MYO7B: variants seen among roughly 807,000 people sequenced by gnomAD.
MYO7B encodes the protein myosin VIIB, also known as unconventional myosin-VIIb.
Under a neutral mutation model 259.7 loss-of-function variants are expected in MYO7B, and 212 were observed. The observed-to-expected ratio is 0.82, with a 90% CI of 0.73 to 0.91. The LOEUF (loss-of-function observed/expected upper bound fraction) is 0.91. Ranked by LOEUF, MYO7B falls within the 40% of genes least tolerant of loss-of-function variation. MYO7B has a pLI of 0.00. For missense variants in MYO7B, 2,732 were observed against 2,813.5 expected (o/e 0.97, Z 0.66); for synonymous variants, 1,197 against 1,166.4 (o/e 1.03, Z -0.54).
Position 127,578,285 on chromosome 2 carries a change from G to C in MYO7B, c.1002G>C (p.Met334Ile), listed in dbSNP as rs540567306. 1.9e-6 allele frequency: 3 copies of C among 1,613,606 alleles called. No individual in the cohort carries two copies. Among genetic ancestry groups the C allele is most frequent in the Non-Finnish European group, 2.5e-6 (3 of 1,179,826 alleles). ...TCCACCTGGGGAATGTGGGGTTCATGGGTAATGCCGGTTCTGCCCCAACTG... is the reference window on the plus strand; with the variant it reads ...TCCACCTGGGGAATGTGGGGTTCATCGGTAATGCCGGTTCTGCCCCAACTG... ...AILHLGNVGF[M>I]ASVFENLDAS... The change falls in exon 9 of 48, where the codon ATG becomes ATC. Residue 334 changes from methionine (M) to isoleucine (I), a missense_variant and splice_region_variant. This residue lies in a region of MYO7B where 1,906 missense variants were observed against 2,026.4 expected (regional missense o/e 0.94). Transcript: ENST00000409816.
rs1004829874 is a variant in MYO7B at position 127,637,581 on chromosome 2, C to T, written c.*164C>T. 11 of 540,602 alleles carry T rather than the reference C, an allele frequency of 2.0e-5. No individual in the cohort carries two copies. The highest frequency in any genetic ancestry group is 9.5e-5 in the African/African-American group (5 of 52,796). 33.5% of individuals were successfully genotyped at this position (540,602 alleles called of 1,614,324 possible). A position where few individuals can be genotyped will look rare whatever the true frequency, so the allele number is the denominator to read the frequency against. ...CGCAGGCGGCCCCCTCTGTCCTGGG[C>T]GCTGCCCAGGGAGGCCAAAAGACGG... On this transcript the variant is annotated 3_prime_UTR_variant, in exon 48 of 48. Coordinates refer to ENST00000409816, the MANE Select transcript of MYO7B (RefSeq NM_001393586.1).
At chr2:127,623,072 A>G in intron 28 of MYO7B, 130 bp from the exon 29 acceptor site, 1 of 1,100,380 alleles carries the variant, frequency 9.1e-7, no homozygotes, top group Non-Finnish European at 1.3e-6. Flanking sequence ...CAGAGGGCCC[A>G]CCCCTGGGAA....
At chr2:127,593,049 C>T (rs1679629302) in intron 17 of MYO7B, 103 bp downstream of exon 17, 4 of 1,410,704 alleles carry the variant, frequency 2.8e-6, no homozygotes, top group South Asian at 1.3e-5. Context: ...GCTGCCCTCC[C>T]CGGCCCCAGC....
chr2:127,627,514 A>G lies in MYO7B; in HGVS notation c.4460+204A>G, dbSNP rs969846165. 4 of 756,100 alleles carry G rather than the reference A, an allele frequency of 5.3e-6. No homozygotes were observed. The highest frequency in any genetic ancestry group is 1.5e-5 in the South Asian group (1 of 68,092). The allele number at this position is 756,100 out of a possible 1,614,324, so 46.8% of individuals were successfully genotyped here. ...GGCCGTACTGCCCATGAAGTACTCC[A>G]TTGGGGCATCACGCGTTGCACTGGC... On this transcript the variant is annotated intron_variant, in intron 33 of 47. Transcript: ENST00000409816. This position sits in a 1 kb window ranked among gnomAD's most constrained non-coding sequence, Gnocchi z 5.6.
chr2:127,559,626 C>T lies in MYO7B; in HGVS notation c.-23-74C>T. 7.0e-7 allele frequency: 1 copy of T among 1,424,226 alleles called. No individual in the cohort carries two copies. The highest frequency in any genetic ancestry group is 9.9e-7 in the Non-Finnish European group (1 of 1,008,184). The allele number at this position is 1,424,226 out of a possible 1,614,324, so 88.2% of individuals were successfully genotyped here. On this transcript the variant is annotated intron_variant, in intron 1 of 47. Coordinates refer to ENST00000409816, the MANE Select transcript of MYO7B (RefSeq NM_001393586.1). The surrounding 1 kb of genome is among the most constrained non-coding windows in gnomAD (Gnocchi z 4.1). ...CTTAGGGAAGTGTTGGTGAACAAGC[C>T]CAGCTCCTGTGCTCCAGGGGCTCCT...
chr2:127,587,555 T>G (rs1679350633), intron 14 of MYO7B, among the ~76,000 whole-genome samples: 1 of 144,102 alleles, frequency 6.9e-6, no homozygotes, highest in Non-Finnish European at 1.5e-5. Flanking sequence ...CATCTCCCCT[T>G]CTTTCTTTCT....
chr2:127,545,006 T>C (rs112887159), intron 1 of MYO7B, among the ~76,000 whole-genome samples: 4,373 of 152,294 alleles, frequency 0.029, 219 homozygotes, highest in African/African-American at 0.099. Context: ...ATTACAGGTG[T>C]GAGCCACCGC....
In MYO7B at chr2:127,630,796, C is replaced by T. The variant is rs1284207644; in HGVS notation, c.4825C>T (p.Pro1609Ser). ...AQLLSLLAMS[P>S]EKRKLAAQEG... ...CCTTCAGAGCTTGCTTGCCATGTCACCAGAGAAGAGGAAGCTGGCGGCTCA... is the reference window on the plus strand; with the variant it reads ...CCTTCAGAGCTTGCTTGCCATGTCATCAGAGAAGAGGAAGCTGGCGGCTCA... Residue 1609 changes from proline (P) to serine (S), a missense_variant, in exon 36 of 48, where the codon CCA becomes TCA. By Grantham distance (74) the Pro-to-Ser change is moderately conservative. Transcript: ENST00000409816. 3.1e-6 allele frequency: 5 copies of T among 1,613,060 alleles called. No individual in the cohort carries two copies. In the East Asian group the frequency reaches 8.9e-5, roughly 29 times the overall value.
In MYO7B at chr2:127,627,378, A is replaced by T. The variant is rs2105107712; in HGVS notation, c.4460+68A>T. 1.7e-4 allele frequency: 231 copies of T among 1,372,606 alleles called. No individual in the cohort carries two copies. Among genetic ancestry groups the T allele is most frequent in the Non-Finnish European group, 2.0e-4 (196 of 992,108 alleles). 85.0% of individuals were successfully genotyped at this position (1,372,606 alleles called of 1,614,324 possible). A position where few individuals can be genotyped will look rare whatever the true frequency, so the allele number is the denominator to read the frequency against. ...TTGTGATGCATCTGGGGGCTCGGGG[A>T]GAGATGGGGAGAGGGGCAGTGTGCC... On this transcript the variant is annotated intron_variant, in intron 33 of 47. Transcript: ENST00000409816. The surrounding 1 kb of genome is among the most constrained non-coding windows in gnomAD (Gnocchi z 5.6).
intron 2 of MYO7B, among the ~76,000 whole-genome samples, chr2:127,561,502 G>T (rs1019320800): frequency 6.6e-6 from 1 of 151,870 alleles, no homozygotes; most frequent in African/African-American, 2.4e-5. Flanking sequence ...CAGGTGATCT[G>T]CCCACCCGCC....
intron 18 of MYO7B, among the ~76,000 whole-genome samples, chr2:127,595,472 G>T (rs1408893044): frequency 6.6e-6 from 1 of 151,988 alleles, no homozygotes; most frequent in African/African-American, 2.4e-5. Flanking sequence ...ATCTCCTTCA[G>T]TTCTGCTCTG....
At chr2:127,579,433 A>G (rs1196043720) in intron 9 of MYO7B, among the ~76,000 whole-genome samples, 1 of 152,218 alleles carries the variant, frequency 6.6e-6, no homozygotes, top group East Asian at 1.9e-4. Context: ...TCTGTCGTCT[A>G]TCAGCCAGAC....
In MYO7B at chr2:127,593,369, G is replaced by T. The variant is rs544932414; in HGVS notation, c.2146-177G>T. Among the ~76,000 whole-genome samples the T allele has an allele frequency of 1.6e-3, 246 of 151,950 alleles. 1 individual carries two copies. The highest frequency in any genetic ancestry group is 5.2e-3 in the East Asian group (27 of 5,166). On this transcript the variant is annotated intron_variant, in intron 17 of 47. Coordinates refer to ENST00000409816, the MANE Select transcript of MYO7B (RefSeq NM_001393586.1). ...AGCACATGGAGGCCCCGGGCCCCGA[G>T]TTCCCTCCTCACCCCAACCCCTATT...
At chr2:127,591,488 T>C (rs1209257343) in intron 16 of MYO7B, among the ~76,000 whole-genome samples, 6 of 152,160 alleles carry the variant, frequency 3.9e-5, no homozygotes, top group Admixed American at 2.6e-4. Context: ...ACCCTATGCC[T>C]CAGCACCTCA....
chr2:127,593,059 C>T, intron 17 of MYO7B, 113 bp downstream of exon 17: 1 of 1,348,054 alleles, frequency 7.4e-7, no homozygotes, highest in Non-Finnish European at 1.0e-6. Flanking sequence ...CCGGCCCCAG[C>T]CTTGCGATGA....
Position 127,625,572 on chromosome 2 carries a change from C to T in MYO7B, c.4215+37C>T, listed in dbSNP as rs181918751. 63 of 1,543,392 alleles carry T rather than the reference C, an allele frequency of 4.1e-5. No individual in the cohort carries two copies. In the East Asian group the frequency reaches 1.2e-3, roughly 29 times the overall value. On this transcript the variant is annotated intron_variant, in intron 31 of 47. Coordinates refer to ENST00000409816, the MANE Select transcript of MYO7B (RefSeq NM_001393586.1). ...TGCAGCTCAGGCACCCACCCGAGGGCTCTCCTTTGGGAGGTGGGGGGGCTC... is the reference window on the plus strand; with the variant it reads ...TGCAGCTCAGGCACCCACCCGAGGGTTCTCCTTTGGGAGGTGGGGGGGCTC...
In MYO7B at chr2:127,622,021, G is replaced by A. The variant is rs372919338; in HGVS notation, c.3565G>A (p.Gly1189Ser). The change falls in exon 28 of 48, where the codon GGC (glycine) becomes AGC (serine). Residue 1189 changes from glycine to serine, a missense_variant. Physicochemically the swap from Gly to Ser is moderately conservative, Grantham distance 56. Transcript: ENST00000409816. ...CATCGGCCAAGGGCCGGCGACCTACGGCCCCTTCTGTGCCGAGCGCCTGAG... is the reference window on the plus strand; with the variant it reads ...CATCGGCCAAGGGCCGGCGACCTACAGCCCCTTCTGTGCCGAGCGCCTGAG... Reference protein sequence around the residue: ...NFIGQGPATYGPFCAERLRRT... With the variant: ...NFIGQGPATYSPFCAERLRRT... 5.2e-5 allele frequency: 81 copies of A among 1,551,756 alleles called. 1 individual carries two copies. The highest frequency in any genetic ancestry group is 4.2e-4 in the East Asian group (17 of 40,924).
At chr2:127,551,217 GTCCT>G (rs1297705052) in intron 1 of MYO7B, among the ~76,000 whole-genome samples, 1 of 152,218 alleles carries the variant, frequency 6.6e-6, no homozygotes, top group Non-Finnish European at 1.5e-5. Flanking sequence ...ACAGCCATCT[GTCCT>G]CTTGTCATCT....
chr2:127,636,557 C>A lies in MYO7B; in HGVS notation c.6136C>A (p.Pro2046Thr). Residue 2046 changes from proline to threonine, a missense_variant, in exon 46 of 48, where the codon CCT (proline) becomes ACT (threonine). By Grantham distance (38) the Pro-to-Thr change is conservative (BLOSUM62 -1). Coordinates refer to ENST00000409816, the MANE Select transcript of MYO7B (RefSeq NM_001393586.1). The surrounding 1 kb of genome is among the most constrained non-coding windows in gnomAD (Gnocchi z 4.5). ...CCCTCCCTCCCAGCAAACCTCGGAG[C>A]CTTCCTACCCGGACGTCATCCTCAT... ...AFFEVKQTSE[P>T]SYPDVILIAI... 6.2e-7 allele frequency: 1 copy of A among 1,611,604 alleles called. No homozygotes were observed. Among genetic ancestry groups the A allele is most frequent in the South Asian group, 1.1e-5 (1 of 90,530 alleles).
Sources: gnomAD v4.1 joint callset for allele counts (sites outside exome capture counted in the v4.1 genomes callset) on GRCh38, gnomAD v4.1.1 for gene constraint, gnomAD v4.1.1 regional missense constraint, Gnocchi (gnomAD v3.1) non-coding constraint, MANE v1.5 for transcripts, NCBI Gene and HGNC (gene_info 2026-07-23, HGNC 2026-07-21) for gene names.